The following PRP4K variants were observed in gnomAD, a reference collection of about 807,000 sequenced individuals.
PRP4K encodes pre-mRNA processing factor kinase PRP4K, also known as serine/threonine-protein kinase PRP4 homolog.
At chr6:4,046,356 T>C in the PRP4K span, among the ~76,000 whole-genome samples, 1 of 152,228 alleles carries the variant, frequency 6.6e-6, no homozygotes, top group African/African-American at 2.4e-5. Context: ...TCATTGTAGT[T>C]TTAATTTGCA....
chr6:4,029,215 C>T, the PRP4K span, among the ~76,000 whole-genome samples: 1 of 151,536 alleles, frequency 6.6e-6, no homozygotes, highest in Non-Finnish European at 1.5e-5. Flanking sequence ...GTGTCTTTCA[C>T]AACACTGATC....
chr6:4,032,350 C>T, the PRP4K span: 3 of 1,613,746 alleles, frequency 1.9e-6, no homozygotes, highest in African/African-American at 2.7e-5. Context: ...AAAAAATCCC[C>T]AATTATAAAT....
At chr6:4,053,387 T>C in the PRP4K span, among the ~76,000 whole-genome samples, 2 of 152,160 alleles carry the variant, frequency 1.3e-5, no homozygotes, top group Non-Finnish European at 2.9e-5. Flanking sequence ...TGCAGGCTTG[T>C]TACATAGGTA....
At chr6:4,042,006 C>T in the PRP4K span, among the ~76,000 whole-genome samples, 30 of 152,182 alleles carry the variant, frequency 2.0e-4, no homozygotes, top group East Asian at 2.9e-3. Context: ...GGCAGTGTTG[C>T]GGAGTAGAGC....
the PRP4K span, chr6:4,044,054 C>T: frequency 4.4e-6 from 7 of 1,593,962 alleles, no homozygotes; most frequent in South Asian, 7.7e-5. Flanking sequence ...CGACGCTTTT[C>T]TCTGAATTGT....
At chr6:4,027,599 G>A in the PRP4K span, among the ~76,000 whole-genome samples, 4 of 99,220 alleles carry the variant, frequency 4.0e-5, no homozygotes, top group Non-Finnish European at 6.4e-5. Flanking sequence ...TGGCGGAGGG[G>A]TGGGGGGGTG....
the PRP4K span, among the ~76,000 whole-genome samples, chr6:4,059,547 T>C: frequency 1.3e-5 from 2 of 152,266 alleles, no homozygotes; most frequent in Non-Finnish European, 2.9e-5. Context: ...CTTATTCACA[T>C]GTCTGTCACT....
the PRP4K span, among the ~76,000 whole-genome samples, chr6:4,041,763 A>G: frequency 6.6e-6 from 1 of 152,210 alleles, no homozygotes; most frequent in African/African-American, 2.4e-5. Context: ...CACAAAAAGA[A>G]CTATCCATAT....
chr6:4,040,627 T>C, the PRP4K span: 6 of 855,430 alleles, frequency 7.0e-6, no homozygotes, highest in African/African-American at 7.1e-5. Flanking sequence ...TTTTAAAAAA[T>C]AGACTATATT....
At chr6:4,032,768 C>G in the PRP4K span, 486 of 1,542,694 alleles carry the variant, frequency 3.2e-4, 3 homozygotes, top group Middle Eastern at 4.5e-3. Context: ...AACTTGTGTA[C>G]AAAATGTTAA....
the PRP4K span, among the ~76,000 whole-genome samples, chr6:4,023,766 T>G: frequency 2.0e-5 from 3 of 151,998 alleles, no homozygotes; most frequent in African/African-American, 7.2e-5. Context: ...CAGACTGGAG[T>G]ACAGTAACAT....
chr6:4,039,897 C>T, the PRP4K span, among the ~76,000 whole-genome samples: 1 of 135,612 alleles, frequency 7.4e-6, no homozygotes, highest in African/African-American at 2.7e-5. Flanking sequence ...CCTCTCCCTT[C>T]TCCTCTTTTC....
chr6:4,032,624 A>G, the PRP4K span: 7 of 1,614,140 alleles, frequency 4.3e-6, no homozygotes, highest in Middle Eastern at 1.6e-4. Flanking sequence ...GCAGGTCTCC[A>G]CTTTTGAATG....
chr6:4,024,096 A>T, the PRP4K span, among the ~76,000 whole-genome samples: 54 of 152,040 alleles, frequency 3.6e-4, no homozygotes, highest in African/African-American at 1.2e-3. Flanking sequence ...CGATCTCCTG[A>T]CCTCGTGATC....
the PRP4K span, among the ~76,000 whole-genome samples, chr6:4,048,423 T>TTA: frequency 6.6e-6 from 1 of 152,082 alleles, no homozygotes; most frequent in African/African-American, 2.4e-5. Flanking sequence ...CCATATATTC[T>TTA]TATTTTTCAA....
At chr6:4,050,629 A>G in the PRP4K span, 1 of 160,248 alleles carries the variant, frequency 6.2e-6, no homozygotes, top group East Asian at 1.8e-4. Flanking sequence ...TCCAATAGAA[A>G]GTTAATTGCC....
chr6:4,021,515 G>A, the PRP4K span: 2 of 1,560,244 alleles, frequency 1.3e-6, no homozygotes, highest in Non-Finnish European at 1.7e-6. Flanking sequence ...GGGGACTGCC[G>A]AGTGGGAGCT....
chr6:4,027,612 G>GGGT, the PRP4K span, among the ~76,000 whole-genome samples: 4 of 70,690 alleles, frequency 5.7e-5, no homozygotes, highest in Admixed American at 1.7e-4. Context: ...GGGGGGTGGG[G>GGGT]TGGGGGTTGG....
At chr6:4,051,804 C>T in the PRP4K span, among the ~76,000 whole-genome samples, 1 of 152,146 alleles carries the variant, frequency 6.6e-6, no homozygotes, top group South Asian at 2.1e-4. Context: ...TATATAGAGA[C>T]ACCATTTCTC....
Sources: gnomAD v4.1 joint callset for allele counts (sites outside exome capture counted in the v4.1 genomes callset) on GRCh38, gnomAD v4.1.1 for gene constraint, MANE v1.5 for transcripts, NCBI Gene and HGNC (gene_info 2026-07-23, HGNC 2026-07-21) for gene names.